The following TMEM178B variants were observed in gnomAD, a reference collection of about 807,000 sequenced individuals.
TMEM178B encodes the protein transmembrane protein 178B.
Under a neutral mutation model 31.0 loss-of-function variants are expected in TMEM178B, and 5 were observed. The observed-to-expected ratio is 0.16, with a 90% confidence interval of 0.08 to 0.34. The LOEUF is 0.34. Among genes scored for constraint, TMEM178B ranks in the 10% least tolerant of loss-of-function variants. The probability of loss-of-function intolerance (pLI) is 1.00; values close to 1 mark genes in which losing one functional copy is unlikely to be tolerated. For missense variants in TMEM178B, 275 were observed against 400.3 expected, an observed-to-expected ratio of 0.69 and a Z score of 2.67; for synonymous variants, 164 against 164.0, an observed-to-expected ratio of 1.00 and a Z score of 0.00.
Position 141,125,449 on chromosome 7 carries a change from G to A in TMEM178B, c.382+50757G>A, listed in dbSNP as rs141664799. 7.1e-4 allele frequency among the ~76,000 whole-genome samples: 108 copies of A among 152,194 alleles called. 1 individual carries two copies. In the East Asian group the frequency reaches 0.017, roughly 24 times the overall value. ...TGTAATCCCAGCACTTTGGGAGGCCGAGGAGGGTGGATCATGAGGTCAGGA... is the reference window on the plus strand; with the variant it reads ...TGTAATCCCAGCACTTTGGGAGGCCAAGGAGGGTGGATCATGAGGTCAGGA... On this transcript the variant is annotated intron_variant, in intron 1 of 3. Transcript: ENST00000565468.
At chr7:141,354,326 G>A (rs116423839) in intron 2 of TMEM178B, among the ~76,000 whole-genome samples, 1,717 of 152,296 alleles carry the variant, frequency 0.011, 38 homozygotes, top group African/African-American at 0.038. Flanking sequence ...AAGAACTTAT[G>A]TATCAGAGAA....
chr7:141,107,503 CA>C (rs1266506931), intron 1 of TMEM178B, among the ~76,000 whole-genome samples: 1 of 152,024 alleles, frequency 6.6e-6, no homozygotes. Flanking sequence ...GTACAGTGAA[CA>C]GGATTTTCTG....
chr7:141,346,990 G>T (rs1799630758), intron 2 of TMEM178B, among the ~76,000 whole-genome samples: 1 of 152,048 alleles, frequency 6.6e-6, no homozygotes, highest in Non-Finnish European at 1.5e-5. Flanking sequence ...GTTCTCACAA[G>T]ATCTGATGGT....
intron 2 of TMEM178B, among the ~76,000 whole-genome samples, chr7:141,231,051 A>G (rs1464225580): frequency 1.3e-5 from 2 of 152,198 alleles, no homozygotes; most frequent in Admixed American, 1.3e-4. Context: ...GATGTTCAGA[A>G]AGGAAAGCCC....
In TMEM178B at chr7:141,372,900, C is replaced by T. The variant is rs145490759; in HGVS notation, c.497-64708C>T. Among the ~76,000 whole-genome samples the T allele has an allele frequency of 2.6e-3, 400 of 151,848 alleles. 4 individuals are homozygous for T. Among genetic ancestry groups the T allele is most frequent in the African/African-American group, 8.8e-3 (364 of 41,372 alleles). On this transcript the variant is annotated intron_variant, in intron 2 of 3. Transcript: ENST00000565468. The stretch of plus-strand genomic sequence containing the variant: ...AGGCTTGTGAGAAGACTGGAGGCAG[C>T]GGTGATGAGGAATGGGGTGGGGTGA...
chr7:141,205,073 A>T (rs1353280874), intron 1 of TMEM178B, among the ~76,000 whole-genome samples: 2 of 152,052 alleles, frequency 1.3e-5, no homozygotes, highest in Non-Finnish European at 2.9e-5. Context: ...CGATCCTTCC[A>T]CTTTGGCCTC....
At chr7:141,264,419 C>T (rs1049157135) in intron 2 of TMEM178B, among the ~76,000 whole-genome samples, 1 of 152,102 alleles carries the variant, frequency 6.6e-6, no homozygotes, top group Non-Finnish European at 1.5e-5. Context: ...AAATGTGTTC[C>T]GTTGTGGTAG....
chr7:141,361,746 A>G (rs1799921770), intron 2 of TMEM178B, among the ~76,000 whole-genome samples: 1 of 152,346 alleles, frequency 6.6e-6, no homozygotes, highest in African/African-American at 2.4e-5. Context: ...TAGTTTATCT[A>G]TCATCACTCT....
At chr7:141,368,556 A>C (rs765385286) in intron 2 of TMEM178B, among the ~76,000 whole-genome samples, 5 of 152,226 alleles carry the variant, frequency 3.3e-5, no homozygotes, top group Admixed American at 2.6e-4. Context: ...GTACTTCAAG[A>C]ATATGAAACA....
chr7:141,110,135 T>C (rs1795211317), intron 1 of TMEM178B, among the ~76,000 whole-genome samples: 3 of 152,230 alleles, frequency 2.0e-5, no homozygotes, highest in Non-Finnish European at 2.9e-5. Context: ...AATAATTTTA[T>C]TTAAAACCGT....
chr7:141,318,534 G>T lies in TMEM178B; in HGVS notation c.496+105830G>T, dbSNP rs1329520981. Among the ~76,000 whole-genome samples, 1 of 152,140 alleles carries T rather than the reference G, an allele frequency of 6.6e-6. No individual in the cohort carries two copies. Among genetic ancestry groups the T allele is most frequent in the Admixed American group, 6.5e-5 (1 of 15,272 alleles). On this transcript the variant is annotated intron_variant, in intron 2 of 3. Coordinates refer to ENST00000565468, the MANE Select transcript of TMEM178B (RefSeq NM_001195278.2). This position sits in a 1 kb window ranked among gnomAD's most constrained non-coding sequence, Gnocchi z 4.1. ...ACTCACACTAAGGTAAATACCATTTGTCACTCAATGAGAAATAAAGATGTA... is the reference window on the plus strand; with the variant it reads ...ACTCACACTAAGGTAAATACCATTTTTCACTCAATGAGAAATAAAGATGTA...
intron 2 of TMEM178B, among the ~76,000 whole-genome samples, chr7:141,233,310 T>A (rs1201355570): frequency 6.6e-6 from 1 of 152,214 alleles, no homozygotes; most frequent in Non-Finnish European, 1.5e-5. Context: ...AAACAAAGAA[T>A]GTGAGAGTGG....
chr7:141,080,015 A>G lies in TMEM178B; in HGVS notation c.382+5323A>G, dbSNP rs557787437. Among the ~76,000 whole-genome samples, 15 of 152,312 alleles carry G rather than the reference A, an allele frequency of 9.8e-5. No homozygotes were observed. The South Asian group carries it at 2.9e-3, about 29-fold the overall frequency. ...GGGGCAGGAGTGAGGTGGAGAAGAA[A>G]CTGGGATATTGATTCCACAAATTGA... On this transcript the variant is annotated intron_variant, in intron 1 of 3. Transcript: ENST00000565468.
At chr7:141,339,968 C>T (rs1201242428) in intron 2 of TMEM178B, among the ~76,000 whole-genome samples, 1 of 152,220 alleles carries the variant, frequency 6.6e-6, no homozygotes, top group Non-Finnish European at 1.5e-5. Flanking sequence ...GATTGTTAGG[C>T]ATGATTTGAT....
intron 2 of TMEM178B, among the ~76,000 whole-genome samples, chr7:141,325,820 T>G (rs1478915096): frequency 2.6e-5 from 3 of 117,012 alleles, no homozygotes; most frequent in Non-Finnish European, 3.5e-5. Context: ...AAGACAGCCC[T>G]GGGAAAAAAA....
At chr7:141,202,558 A>C (rs1796895041) in intron 1 of TMEM178B, among the ~76,000 whole-genome samples, 1 of 152,378 alleles carries the variant, frequency 6.6e-6, no homozygotes, top group Admixed American at 6.5e-5. Flanking sequence ...CAAAAAAACA[A>C]AGCATACAAA....
At chr7:141,439,733 G>A (rs1459684292) in intron 3 of TMEM178B, among the ~76,000 whole-genome samples, 3 of 152,274 alleles carry the variant, frequency 2.0e-5, no homozygotes, top group African/African-American at 7.2e-5. Context: ...GAGCAAACGG[G>A]CCGCGGGCAG....
At chr7:141,085,371 G>A (rs1794763535) in intron 1 of TMEM178B, among the ~76,000 whole-genome samples, 1 of 151,960 alleles carries the variant, frequency 6.6e-6, no homozygotes, top group African/African-American at 2.4e-5. Context: ...TCATCTACAG[G>A]TGATGTTTCC....
intron 2 of TMEM178B, among the ~76,000 whole-genome samples, chr7:141,244,650 C>T (rs986856384): frequency 2.0e-5 from 3 of 152,062 alleles, no homozygotes; most frequent in African/African-American, 4.8e-5. Flanking sequence ...ATGACAGGTC[C>T]GGCTGGAGAT....
Sources: gnomAD v4.1 joint callset for allele counts (sites outside exome capture counted in the v4.1 genomes callset) on GRCh38, gnomAD v4.1.1 for gene constraint, Gnocchi (gnomAD v3.1) non-coding constraint, MANE v1.5 for transcripts, NCBI Gene and HGNC (gene_info 2026-07-23, HGNC 2026-07-21) for gene names.